The following SGK2 variants were observed in gnomAD, a reference collection of about 807,000 sequenced individuals.
SGK2 encodes the protein serum/glucocorticoid regulated kinase 2, also known as serine/threonine-protein kinase Sgk2.
SGK2 carries 36 observed loss-of-function variants against 47.5 expected under a neutral mutation model. That is an observed-to-expected ratio of 0.76 (90% CI 0.58 to 1.00). The LOEUF (loss-of-function observed/expected upper bound fraction) is 1.00. Among genes scored for constraint, SGK2 ranks in the 50% least tolerant of loss-of-function variants. SGK2 has a pLI of 0.00. For synonymous variants in SGK2, 157 were observed against 181.9 expected, an observed-to-expected ratio of 0.86 and a Z score of 1.10; for missense variants, 404 against 467.4, an observed-to-expected ratio of 0.86 and a Z score of 1.25.
At chr20:43,584,394 G>T (rs1980977073) in intron 12 of SGK2, among the ~76,000 whole-genome samples, 1 of 152,078 alleles carries the variant, frequency 6.6e-6, no homozygotes, top group Admixed American at 6.6e-5. Flanking sequence ...CTCCCTCACA[G>T]GTCTTCCTCC....
chr20:43,566,328 C>T, intron 1 of SGK2, 145 bp from the exon 2 acceptor site: 1 of 1,611,248 alleles, frequency 6.2e-7, no homozygotes. Context: ...GCAGGGGTTG[C>T]TTACCTCGGG....
At chr20:43,575,169 A>C (rs1387142449) in intron 10 of SGK2, among the ~76,000 whole-genome samples, 165 bp downstream of exon 10, 1 of 152,104 alleles carries the variant, frequency 6.6e-6, no homozygotes, top group East Asian at 1.9e-4. Flanking sequence ...TTTTTTCAAT[A>C]ATGTTAGTTT....
intron 1 of SGK2, among the ~76,000 whole-genome samples, chr20:43,562,675 G>A (rs985002053): frequency 7.9e-5 from 12 of 152,036 alleles, no homozygotes; most frequent in African/African-American, 2.2e-4. Context: ...AGAAAGCGGA[G>A]CTTGCAGTTA....
At chr20:43,575,099 A>G (rs1399997061) in intron 10 of SGK2, 95 bp downstream of exon 10, 1 of 762,920 alleles carries the variant, frequency 1.3e-6, no homozygotes, top group South Asian at 1.5e-5. Flanking sequence ...AAAATGAGCA[A>G]GCCATCTCTT....
chr20:43,569,344 T>C (rs1353189167), intron 5 of SGK2, 41 bp from the exon 6 acceptor site: 4 of 1,609,624 alleles, frequency 2.5e-6, no homozygotes, highest in Middle Eastern at 3.4e-4. Flanking sequence ...AAGAGGCTGT[T>C]GTGGGCTGTG....
chr20:43,580,664 G>A (rs1202513181), intron 12 of SGK2, among the ~76,000 whole-genome samples: 1 of 149,198 alleles, frequency 6.7e-6, no homozygotes, highest in African/African-American at 2.5e-5. Flanking sequence ...GGAGGCAAGG[G>A]TCACAGTGAG....
intron 5 of SGK2, among the ~76,000 whole-genome samples, chr20:43,568,569 G>A (rs750715423): frequency 1.1e-4 from 16 of 152,056 alleles, no homozygotes; most frequent in East Asian, 3.9e-4. Flanking sequence ...TGCAACCTCC[G>A]CCTCCTGAGT....
Position 43,584,872 on chromosome 20 carries a change from G to A in SGK2, c.960G>A (p.Lys320=). The part of the protein sequence containing the change: ...NPNVTGPADL[K]HFDPEFTQEA... ...GACAGACAGGACCTGCTGACTTGAA[G>A]CATTTTGACCCAGAGTTCACCCAGG... The change falls in exon 13 of 13, where the codon AAG becomes AAA. Residue 320 remains lysine, a synonymous_variant. Transcript: ENST00000373100. The A allele has an allele frequency of 6.2e-7, 1 of 1,613,980 alleles. No individual in the cohort carries two copies. The highest frequency in any genetic ancestry group is 8.5e-7 in the Non-Finnish European group (1 of 1,179,906).
At chr20:43,573,518 G>A (rs1304455547) in intron 9 of SGK2, among the ~76,000 whole-genome samples, 3 of 145,318 alleles carry the variant, frequency 2.1e-5, no homozygotes, top group African/African-American at 7.5e-5. Flanking sequence ...AACTTTATTT[G>A]AACTCCCACC....
chr20:43,571,985 G>A, intron 8 of SGK2, 66 bp from the exon 9 acceptor site: 1 of 1,179,306 alleles, frequency 8.5e-7, no homozygotes, highest in East Asian at 2.6e-5. Flanking sequence ...CTGGGCTTTG[G>A]GGGTTAGGCC....
intron 6 of SGK2, chr20:43,569,745 A>T (rs901274156): frequency 3.9e-6 from 2 of 517,526 alleles, no homozygotes; most frequent in African/African-American, 3.8e-5. Flanking sequence ...ACTCCCCACC[A>T]TAATGCTTTC....
chr20:43,568,043 G>A (rs1479774940), intron 5 of SGK2, 44 bp downstream of exon 5: 1 of 1,550,712 alleles, frequency 6.4e-7, no homozygotes. Flanking sequence ...TGCTTCTCAA[G>A]CCGCAGCCTA....
chr20:43,569,469 A>G lies in SGK2; in HGVS notation c.313A>G (p.Thr105Ala), dbSNP rs1979962374. The G allele has an allele frequency of 1.2e-6, 2 of 1,613,474 alleles. No homozygotes were observed. The highest frequency in any genetic ancestry group is 2.7e-5 in the African/African-American group (2 of 74,774). The change falls in exon 6 of 13, where the codon ACA becomes GCA. Residue 105 changes from threonine (T) to alanine (A), a missense_variant. Physicochemically the swap from Thr to Ala is moderately conservative, Grantham distance 58. Transcript: ENST00000373100. ...CGTGGGCCTGCGCTACTCCTTCCAG[A>G]CACCTGAGAAGCTCTACTTCGTGCT... The part of the protein sequence containing the change: ...FLVGLRYSFQ[T>A]PEKLYFVLDY...
intron 1 of SGK2, among the ~76,000 whole-genome samples, chr20:43,561,612 T>C: frequency 6.6e-6 from 1 of 151,918 alleles, no homozygotes; most frequent in South Asian, 2.1e-4. Context: ...ATGGTTTCGA[T>C]CTCTGACCTC....
At chr20:43,567,631 A>G in intron 3 of SGK2, 34 bp from the exon 4 acceptor site, 1 of 1,609,354 alleles carries the variant, frequency 6.2e-7, no homozygotes, top group Non-Finnish European at 8.5e-7. Flanking sequence ...CAGACATTGC[A>G]AATGCTGATC....
At position 43,585,169 on chromosome 20, in the gene SGK2, C is replaced by A; in HGVS notation, c.*153C>A. 2 of 625,370 alleles carry A rather than the reference C, an allele frequency of 3.2e-6. No homozygotes were observed. Among genetic ancestry groups the A allele is most frequent in the Non-Finnish European group, 5.3e-6 (2 of 376,986 alleles). 38.7% of individuals were successfully genotyped at this position (625,370 alleles called of 1,614,324 possible). ...AAAAGAAAAATAATGTTTCGGAGTC[C>A]AGGACTGGCAGGACAGGTCATCAGA... On this transcript the variant is annotated 3_prime_UTR_variant, in exon 13 of 13. Coordinates refer to ENST00000373100, the MANE Select transcript of SGK2 (RefSeq NM_170693.3).
chr20:43,563,700 C>A (rs931929384), intron 1 of SGK2, among the ~76,000 whole-genome samples: 6 of 152,198 alleles, frequency 3.9e-5, no homozygotes, highest in Non-Finnish European at 5.9e-5. Flanking sequence ...TTACTATTAG[C>A]ACAATTATTT....
At chr20:43,560,498 C>G (rs1177416446) in intron 1 of SGK2, among the ~76,000 whole-genome samples, 3 of 117,882 alleles carry the variant, frequency 2.5e-5, no homozygotes, top group Non-Finnish European at 5.8e-5. Flanking sequence ...GACTCCATCT[C>G]AAAAAAAAAA....
Position 43,572,280 on chromosome 20 carries a change from T to A in SGK2, c.597+143T>A. Reference sequence around the variant, plus strand: ...GAGTGGGCTATACACTGAACTGTGGTTTCCTCATCTATGTAATGGGGGTAC... The same window carrying A: ...GAGTGGGCTATACACTGAACTGTGGATTCCTCATCTATGTAATGGGGGTAC... On this transcript the variant is annotated intron_variant, in intron 9 of 12. Coordinates refer to ENST00000373100, the MANE Select transcript of SGK2 (RefSeq NM_170693.3). The surrounding 1 kb of genome is among the most constrained non-coding windows in gnomAD (Gnocchi z 4.2). The A allele has an allele frequency of 4.7e-6, 3 of 637,864 alleles. No homozygotes were observed. Among genetic ancestry groups the A allele is most frequent in the Non-Finnish European group, 8.4e-6 (3 of 356,172 alleles). 39.5% of individuals were successfully genotyped at this position (637,864 alleles called of 1,614,324 possible).
Sources: gnomAD v4.1 joint callset for allele counts (sites outside exome capture counted in the v4.1 genomes callset) on GRCh38, gnomAD v4.1.1 for gene constraint, Gnocchi (gnomAD v3.1) non-coding constraint, MANE v1.5 for transcripts, NCBI Gene and HGNC (gene_info 2026-07-23, HGNC 2026-07-21) for gene names.